Variants in SLC12A9 observed in about 807,000 individuals in gnomAD.
SLC12A9 encodes the protein solute carrier family 12 member 9.
A neutral mutation model predicts 66.0 loss-of-function variants in SLC12A9; 55 were observed. The ratio of observed to expected loss-of-function variants is 0.83; its 90% confidence interval spans 0.67 to 1.04. SLC12A9 has a LOEUF of 1.04. Among genes scored for constraint, SLC12A9 ranks in the 50% least tolerant of loss-of-function variants. SLC12A9 has a pLI of 0.00. For missense variants in SLC12A9, 1,061 were observed against 1,241.9 expected, an observed-to-expected ratio of 0.85 and a Z score of 2.19; for synonymous variants, 577 against 569.0, an observed-to-expected ratio of 1.01 and a Z score of -0.20.
intron 1 of SLC12A9, among the ~76,000 whole-genome samples, 172 bp downstream of exon 1, chr7:100,853,007 T>C (rs1209185406): frequency 8.3e-6 from 1 of 120,248 alleles, no homozygotes; most frequent in Admixed American, 8.0e-5. Flanking sequence ...TCTGTGTTTC[T>C]GTTTCGCTAG....
chr7:100,866,438 G>T lies in SLC12A9; in HGVS notation c.2578G>T (p.Asp860Tyr). 1.3e-6 allele frequency: 2 copies of T among 1,549,230 alleles called. No homozygotes were observed. The highest frequency in any genetic ancestry group is 1.2e-5 in the South Asian group (1 of 83,984). ...GGGPGGPEGG[D>Y]AEGPITALTF... ...AGGGCCGGGTGGGCCGGAGGGTGGG[G>T]ATGCTGAGGGCCCCATCACAGCCCT... The change falls in exon 14 of 14, where the codon GAT (aspartate) becomes TAT (tyrosine). Residue 860 changes from aspartate (D) to tyrosine (Y), a missense_variant. Asp to Tyr is a radical substitution (Grantham distance 160). Transcript: ENST00000354161. This position sits in a 1 kb window ranked among gnomAD's most constrained non-coding sequence, Gnocchi z 7.3.
chr7:100,860,229 G>C lies in SLC12A9; in HGVS notation c.1215G>C (p.Val405=). 1.9e-6 allele frequency: 3 copies of C among 1,613,972 alleles called. No individual in the cohort carries two copies. The highest frequency in any genetic ancestry group is 2.5e-6 in the Non-Finnish European group (3 of 1,179,888). The change falls in exon 9 of 14, where the codon GTG becomes GTC. Residue 405 remains valine (V), a synonymous_variant. Transcript: ENST00000354161. ...CTGTACTTTATTCTTGGGGCCTGGT[G>C]CAGGTGAGCCTTCTTCTTCAAGGGG... ...WAAVLYSWGL[V]QLVLLAGKLN...
chr7:100,861,290 A>G lies in SLC12A9; in HGVS notation c.1343+28A>G. The G allele has an allele frequency of 6.2e-7, 1 of 1,613,958 alleles. No individual in the cohort carries two copies. Among genetic ancestry groups the G allele is most frequent in the Non-Finnish European group, 8.5e-7 (1 of 1,179,866 alleles). On this transcript the variant is annotated intron_variant, in intron 10 of 13. Transcript: ENST00000354161. The surrounding 1 kb of genome is among the most constrained non-coding windows in gnomAD (Gnocchi z 5.3). Reference sequence around the variant, plus strand: ...GAGAGACTCAGATCTGTGTCCCCAGAGAGAAGAAGGGAGGACTCGGGCTCA... The same window carrying G: ...GAGAGACTCAGATCTGTGTCCCCAGGGAGAAGAAGGGAGGACTCGGGCTCA...
At chr7:100,831,913 C>A (rs1234359409) in intron 1 of SLC12A9, among the ~76,000 whole-genome samples, 1 of 152,058 alleles carries the variant, frequency 6.6e-6, no homozygotes, top group Non-Finnish European at 1.5e-5. Flanking sequence ...TAATAAGTGC[C>A]ATAATTTAAA....
upstream of SLC12A9, among the ~76,000 whole-genome samples, chr7:100,847,731 G>C (rs912014198): frequency 6.6e-6 from 1 of 151,996 alleles, no homozygotes. Flanking sequence ...CAGGTGGTGG[G>C]AGTTTGAGTA....
chr7:100,831,681 G>C (rs1813547216), intron 1 of SLC12A9, among the ~76,000 whole-genome samples: 2 of 152,162 alleles, frequency 1.3e-5, no homozygotes, highest in Non-Finnish European at 2.9e-5. Flanking sequence ...GTTGTTTTGA[G>C]TAATCCTGGA....
chr7:100,853,944 G>T (rs574314770), intron 1 of SLC12A9, among the ~76,000 whole-genome samples: 7 of 152,222 alleles, frequency 4.6e-5, no homozygotes, highest in African/African-American at 1.7e-4. Context: ...GACCAGGGTG[G>T]TCTCGAACTC....
upstream of SLC12A9, among the ~76,000 whole-genome samples, chr7:100,850,450 G>A (rs1814040824): frequency 6.6e-6 from 1 of 151,662 alleles, no homozygotes; most frequent in Non-Finnish European, 1.5e-5. Flanking sequence ...GTGTTGCCCA[G>A]GCTGGTCTTG....
chr7:100,862,934 C>A, intron 13 of SLC12A9, 107 bp downstream of exon 13: 1 of 1,381,026 alleles, frequency 7.2e-7, no homozygotes, highest in Non-Finnish European at 1.0e-6. Flanking sequence ...GCAAAAGGAC[C>A]TTATAGTCGA....
intron 1 of SLC12A9, among the ~76,000 whole-genome samples, chr7:100,839,613 T>C (rs1460721375): frequency 6.6e-6 from 1 of 152,192 alleles, no homozygotes; most frequent in Non-Finnish European, 1.5e-5. Flanking sequence ...TGGTAGGCAT[T>C]TGCCCCAGGA....
chr7:100,857,822 C>A (rs1414200142), intron 5 of SLC12A9: 1 of 152,450 alleles, frequency 6.6e-6, no homozygotes, highest in East Asian at 1.9e-4. Flanking sequence ...TGAGGGAGAA[C>A]TGATTGAACC....
chr7:100,853,489 T>C (rs1403515481), intron 1 of SLC12A9: 1 of 151,998 alleles, frequency 6.6e-6, no homozygotes, highest in Non-Finnish European at 1.5e-5. Flanking sequence ...CTGGTACCAT[T>C]TGCAGCCCAC....
intron 9 of SLC12A9, chr7:100,860,711 C>T (rs750378826): frequency 4.8e-5 from 18 of 375,048 alleles, no homozygotes; most frequent in Non-Finnish European, 7.7e-5. Context: ...ACAGGGCTCA[C>T]GGGCACTTTT....
chr7:100,849,867 TCTTCC>T (rs1393031166), upstream of SLC12A9, among the ~76,000 whole-genome samples: 5 of 150,966 alleles, frequency 3.3e-5, no homozygotes, highest in Admixed American at 3.3e-4. Context: ...CTCCCCAACA[TCTTCC>T]CTTCCCTTTT....
upstream of SLC12A9, among the ~76,000 whole-genome samples, chr7:100,849,331 A>G (rs1197280288): frequency 2.0e-5 from 3 of 149,986 alleles, no homozygotes; most frequent in Admixed American, 6.7e-5. Context: ...TGCACCCTCA[A>G]CCTCCCAGAT....
At chr7:100,843,417 A>G (rs1327598183) in intron 1 of SLC12A9, among the ~76,000 whole-genome samples, 1 of 152,232 alleles carries the variant, frequency 6.6e-6, no homozygotes. Context: ...AACCAACAGC[A>G]ATGAGCTTTT....
chr7:100,859,248 A>G, intron 7 of SLC12A9, 87 bp downstream of exon 7: 1 of 1,297,960 alleles, frequency 7.7e-7, no homozygotes, highest in South Asian at 1.3e-5. Flanking sequence ...GGGACTGGGA[A>G]GCAGAAACCC....
intron 1 of SLC12A9, among the ~76,000 whole-genome samples, chr7:100,839,460 A>T (rs1297418029): frequency 6.6e-6 from 1 of 152,128 alleles, no homozygotes; most frequent in Non-Finnish European, 1.5e-5. Context: ...TCGTCCTGCT[A>T]CATTTCTTGG....
At chr7:100,831,280 G>A (rs1813538660) in intron 1 of SLC12A9, among the ~76,000 whole-genome samples, 1 of 152,146 alleles carries the variant, frequency 6.6e-6, no homozygotes, top group African/African-American at 2.4e-5. Flanking sequence ...TCTGCCTCCT[G>A]GGTTCAAGTG....
Sources: gnomAD v4.1 joint callset for allele counts (sites outside exome capture counted in the v4.1 genomes callset) on GRCh38, gnomAD v4.1.1 for gene constraint, Gnocchi (gnomAD v3.1) non-coding constraint, MANE v1.5 for transcripts, NCBI Gene and HGNC (gene_info 2026-07-23, HGNC 2026-07-21) for gene names.